PTPN13: variants seen among roughly 807,000 people sequenced by gnomAD.
PTPN13 encodes protein tyrosine phosphatase non-receptor type 13, also known as tyrosine-protein phosphatase non-receptor type 13.
Under a neutral mutation model 284.0 loss-of-function variants are expected in PTPN13, and 191 were observed. The ratio of observed to expected loss-of-function variants is 0.67; its 90% CI spans 0.60 to 0.76. The LOEUF is 0.76. PTPN13 is among the 30% of genes least tolerant of loss of function. PTPN13 has a pLI of 0.00. For missense variants in PTPN13, 2,797 were observed against 2,939.9 expected, an observed-to-expected ratio of 0.95 and a Z score of 1.12; for synonymous variants, 986 against 1,022.3, an observed-to-expected ratio of 0.96 and a Z score of 0.68.
At chr4:86,685,349 C>G (rs1019327381) in intron 3 of PTPN13, among the ~76,000 whole-genome samples, 1 of 152,112 alleles carries the variant, frequency 6.6e-6, no homozygotes, top group African/African-American at 2.4e-5. Flanking sequence ...TGGTTCTCGC[C>G]TATAATCCCA....
intron 1 of PTPN13, among the ~76,000 whole-genome samples, chr4:86,624,434 C>G (rs1003906529): frequency 6.6e-6 from 1 of 152,140 alleles, no homozygotes; most frequent in Non-Finnish European, 1.5e-5. Flanking sequence ...CTCTGCAGCT[C>G]TAATAGTCCC....
At chr4:86,682,285 C>T (rs1312958001) in intron 3 of PTPN13, among the ~76,000 whole-genome samples, 1 of 152,148 alleles carries the variant, frequency 6.6e-6, no homozygotes, top group African/African-American at 2.4e-5. Flanking sequence ...TCCTGGCCTG[C>T]TATACTACTA....
intron 1 of PTPN13, among the ~76,000 whole-genome samples, chr4:86,598,166 A>G (rs1763989732): frequency 6.6e-6 from 1 of 150,706 alleles, no homozygotes; most frequent in East Asian, 1.9e-4. Flanking sequence ...TTTTTTTTTA[A>G]GATGGAATCT....
At chr4:86,625,614 A>G (rs1168242228) in intron 1 of PTPN13, among the ~76,000 whole-genome samples, 5 of 152,106 alleles carry the variant, frequency 3.3e-5, no homozygotes, top group Non-Finnish European at 5.9e-5. Flanking sequence ...CACCACACCT[A>G]TTCAACTTTT....
chr4:86,758,613 C>T (rs924755734), intron 21 of PTPN13, 65 bp from the exon 22 acceptor site: 3 of 1,331,190 alleles, frequency 2.3e-6, no homozygotes, highest in Non-Finnish European at 2.1e-6. Flanking sequence ...GTGTTTCAGG[C>T]AGGCTAATCA....
chr4:86,722,890 G>A (rs1187660524), intron 10 of PTPN13, among the ~76,000 whole-genome samples: 1 of 152,040 alleles, frequency 6.6e-6, no homozygotes, highest in African/African-American at 2.4e-5. Flanking sequence ...TTCACTTTCT[G>A]GTTAAAAGAG....
At chr4:86,616,265 G>A (rs1720529642) in intron 1 of PTPN13, among the ~76,000 whole-genome samples, 1 of 152,182 alleles carries the variant, frequency 6.6e-6, no homozygotes, top group Non-Finnish European at 1.5e-5. Context: ...ATGTCATGAA[G>A]TGTTATGTAA....
chr4:86,667,146 G>A lies in PTPN13; in HGVS notation c.116-5219G>A, dbSNP rs1727178995. On this transcript the variant is annotated intron_variant, in intron 2 of 47. Coordinates refer to ENST00000411767, the MANE Select transcript of PTPN13 (RefSeq NM_080683.3). ...ATCAGTATCTTTCCAAATCTTCTAG[G>A]TGAGTTTAGGGATTTGGATGATTAG... Among the ~76,000 whole-genome samples, 3 of 152,186 alleles carry A rather than the reference G, an allele frequency of 2.0e-5. No homozygotes were observed. The South Asian group carries it at 6.2e-4, about 32-fold the overall frequency.
intron 2 of PTPN13, among the ~76,000 whole-genome samples, chr4:86,654,305 G>A (rs1222330559): frequency 6.6e-6 from 1 of 151,726 alleles, no homozygotes; most frequent in Non-Finnish European, 1.5e-5. Flanking sequence ...AAAGAGAGAA[G>A]AATCAAATAG....
chr4:86,662,043 A>ATT (rs1439892235), intron 2 of PTPN13, among the ~76,000 whole-genome samples: 1 of 152,190 alleles, frequency 6.6e-6, no homozygotes, highest in Non-Finnish European at 1.5e-5. Context: ...TTTACTGTAA[A>ATT]ACTTTTTTTT....
intron 9 of PTPN13, 55 bp from the exon 10 acceptor site, chr4:86,722,157 C>A: frequency 1.4e-6 from 2 of 1,445,046 alleles, no homozygotes; most frequent in Non-Finnish European, 1.9e-6. Context: ...GCTTGATTAG[C>A]CTTAAAACAA....
At chr4:86,703,414 T>C (rs1360677016) in intron 7 of PTPN13, among the ~76,000 whole-genome samples, 2 of 151,032 alleles carry the variant, frequency 1.3e-5, no homozygotes, top group African/African-American at 2.4e-5. Context: ...GAAACAATTA[T>C]ATAAAGAAAT....
chr4:86,760,454 C>T (rs1051025174), intron 23 of PTPN13, among the ~76,000 whole-genome samples: 1 of 152,138 alleles, frequency 6.6e-6, no homozygotes, highest in Non-Finnish European at 1.5e-5. Context: ...CCATCTTACT[C>T]ATGTTTTCAG....
intron 42 of PTPN13, among the ~76,000 whole-genome samples, chr4:86,802,445 C>T (rs761015493): frequency 5.3e-5 from 8 of 151,932 alleles, no homozygotes; most frequent in Non-Finnish European, 1.0e-4. Context: ...AACCCCTTAT[C>T]AAAAATTTTT....
rs139393500 is a variant in PTPN13 at position 86,703,694 on chromosome 4, T to A, written c.1195+1893T>A. ...CCAGTCTGGGCAATATAGCAAGACC[T>A]CATATCTACAAAAAAAATTTTTTAA... On this transcript the variant is annotated intron_variant, in intron 7 of 47. Coordinates refer to ENST00000411767, the MANE Select transcript of PTPN13 (RefSeq NM_080683.3). Among the ~76,000 whole-genome samples the A allele has an allele frequency of 1.6e-3, 241 of 151,982 alleles. 1 individual carries two copies. Among genetic ancestry groups the A allele is most frequent in the African/African-American group, 5.7e-3 (238 of 41,460 alleles).
chr4:86,606,176 G>A (rs1344249800), intron 1 of PTPN13, among the ~76,000 whole-genome samples: 1 of 151,690 alleles, frequency 6.6e-6, no homozygotes, highest in Non-Finnish European at 1.5e-5. Context: ...TAGAACAAGC[G>A]CCAACAAAGG....
rs552694722 is a variant in PTPN13, at chr4:86,657,659, T to G, written c.116-14706T>G. On this transcript the variant is annotated intron_variant, in intron 2 of 47. Transcript: ENST00000411767. ...ACTACCGCCTAGCTGCTGCTGATGT[T>G]TATTCAAGGACCATGACCACTTTAG... Among the ~76,000 whole-genome samples the G allele has an allele frequency of 3.3e-5, 5 of 152,298 alleles. No individual in the cohort carries two copies. The South Asian group carries it at 1.0e-3, about 32-fold the overall frequency.
chr4:86,769,902 A>G lies in PTPN13; in HGVS notation c.4623A>G (p.Pro1541=), dbSNP rs767608366. The G allele has an allele frequency of 6.2e-7, 1 of 1,613,914 alleles. No individual in the cohort carries two copies. The highest frequency in any genetic ancestry group is 8.5e-7 in the Non-Finnish European group (1 of 1,179,896). Residue 1541 remains proline (P), a synonymous_variant, in exon 29 of 48, where the codon CCA becomes CCG. Coordinates refer to ENST00000411767, the MANE Select transcript of PTPN13 (RefSeq NM_080683.3). Reference sequence around the variant, plus strand: ...TTAAAAAGCTCTTTCCTGGACAGCCAGCAGCAGAAAGTGGAAAAATTGATG... The same window carrying G: ...TTAAAAAGCTCTTTCCTGGACAGCCGGCAGCAGAAAGTGGAAAAATTGATG... ...VRVKKLFPGQ[P]AAESGKIDVG... is the part of the protein sequence containing the mutation.
rs973452540 is a variant in PTPN13, at chr4:86,688,979, C to G, written c.361-26C>G. ...AAAAATATTTGCTCACATTTACTCA[C>G]TGGCTTTTCCTTTATTTATATTCAG... is the stretch of plus-strand genomic sequence containing the variant. On this transcript the variant is annotated intron_variant, in intron 4 of 47. Transcript: ENST00000411767. 4 of 1,518,390 alleles carry G rather than the reference C, an allele frequency of 2.6e-6. No individual in the cohort carries two copies. The South Asian group carries it at 4.5e-5, about 17-fold the overall frequency. 94.1% of individuals were successfully genotyped at this position (1,518,390 alleles called of 1,614,324 possible). A position where few individuals can be genotyped will look rare whatever the true frequency, so the allele number is the denominator to read the frequency against.
Sources: allele counts gnomAD v4.1 joint callset (sites outside exome capture counted in the v4.1 genomes callset), GRCh38; gene constraint gnomAD v4.1.1; transcripts MANE v1.5; gene names NCBI Gene and HGNC (gene_info 2026-07-23, HGNC 2026-07-21).